CDKAL1: variants seen among roughly 807,000 people sequenced by gnomAD.
CDKAL1 encodes CDKAL1 threonylcarbamoyladenosine tRNA methylthiotransferase.
CDKAL1 carries 32 observed loss-of-function variants against 68.2 expected under a neutral mutation model. The ratio of observed to expected loss-of-function variants is 0.47; its 90% CI spans 0.35 to 0.63. The LOEUF (loss-of-function observed/expected upper bound fraction) is 0.63, where lower values mean the gene tolerates loss of function less well. CDKAL1 is among the 30% of genes least tolerant of loss of function. The probability of loss-of-function intolerance (pLI) is 0.00; values close to 1 mark genes in which losing one functional copy is unlikely to be tolerated. For synonymous variants in CDKAL1, 234 were observed against 244.3 expected (o/e 0.96, Z 0.39); for missense variants, 606 against 696.7 (o/e 0.87, Z 1.47).
At chr6:21,007,294 G>A (rs933934379) in intron 11 of CDKAL1, among the ~76,000 whole-genome samples, 7 of 151,794 alleles carry the variant, frequency 4.6e-5, no homozygotes, top group Non-Finnish European at 1.0e-4. Flanking sequence ...GCCAGGTGTG[G>A]TGGCACTCGC....
intron 4 of CDKAL1, among the ~76,000 whole-genome samples, chr6:20,585,020 A>C (rs1353595851): frequency 6.8e-6 from 1 of 147,282 alleles, no homozygotes; most frequent in Non-Finnish European, 1.5e-5. Flanking sequence ...ATCATCAAAC[A>C]TTCTGTGATA....
intron 8 of CDKAL1, among the ~76,000 whole-genome samples, chr6:20,788,374 C>G (rs1775760570): frequency 6.6e-6 from 1 of 152,198 alleles, no homozygotes; most frequent in African/African-American, 2.4e-5. Context: ...GCTATATTTG[C>G]ACACCGTAAG....
At chr6:20,574,018 G>A (rs1764814792) in intron 4 of CDKAL1, among the ~76,000 whole-genome samples, 2 of 152,226 alleles carry the variant, frequency 1.3e-5, no homozygotes, top group African/African-American at 4.8e-5. Context: ...GATATGGTTA[G>A]TATTATGGTG....
At chr6:21,200,472 C>G (rs1778643451) in intron 14 of CDKAL1, among the ~76,000 whole-genome samples, 1 of 152,186 alleles carries the variant, frequency 6.6e-6, no homozygotes, top group African/African-American at 2.4e-5. Context: ...CTCCTTCTCC[C>G]TCAAAACACA....
At chr6:21,116,871 A>G (rs2151002795) in intron 13 of CDKAL1, among the ~76,000 whole-genome samples, 1 of 152,334 alleles carries the variant, frequency 6.6e-6, no homozygotes, top group African/African-American at 2.4e-5. Context: ...CATTGGTTAT[A>G]TACTTCCTCT....
chr6:21,038,613 C>T (rs1769727798), intron 11 of CDKAL1, among the ~76,000 whole-genome samples: 1 of 152,146 alleles, frequency 6.6e-6, no homozygotes, highest in Admixed American at 6.6e-5. Context: ...AGCCCACAGC[C>T]CAGGACAGCT....
At chr6:20,972,790 C>T (rs2150756983) in intron 10 of CDKAL1, among the ~76,000 whole-genome samples, 1 of 152,248 alleles carries the variant, frequency 6.6e-6, no homozygotes, top group East Asian at 1.9e-4. Flanking sequence ...GCTGTCAGGG[C>T]CAGTCTTTGA....
chr6:20,973,480 G>A (rs1168915084), intron 10 of CDKAL1, among the ~76,000 whole-genome samples: 1 of 152,192 alleles, frequency 6.6e-6, no homozygotes, highest in Non-Finnish European at 1.5e-5. Flanking sequence ...TGGAGGGAAA[G>A]GTGGCTCTCA....
chr6:20,812,882 A>AT (rs964627287), intron 8 of CDKAL1, among the ~76,000 whole-genome samples: 3 of 152,100 alleles, frequency 2.0e-5, no homozygotes, highest in Non-Finnish European at 2.9e-5. Flanking sequence ...ATATGCTCCC[A>AT]TTTTTCTAGG....
intron 7 of CDKAL1, among the ~76,000 whole-genome samples, chr6:20,779,618 TG>T (rs1433780711): frequency 6.6e-6 from 1 of 152,250 alleles, no homozygotes; most frequent in Non-Finnish European, 1.5e-5. Flanking sequence ...GGAGTCTCGC[TG>T]TGTCACCCAG....
intron 4 of CDKAL1, among the ~76,000 whole-genome samples, chr6:20,616,087 T>G (rs1766883108): frequency 6.7e-6 from 1 of 148,584 alleles, no homozygotes; most frequent in South Asian, 2.2e-4. Flanking sequence ...GATCAGATAG[T>G]TGTAGATATG....
intron 11 of CDKAL1, among the ~76,000 whole-genome samples, chr6:21,044,922 CAGG>C (rs1384766592): frequency 2.0e-5 from 3 of 152,178 alleles, no homozygotes; most frequent in Non-Finnish European, 4.4e-5. Context: ...GGTTCAGTGT[CAGG>C]AGAAGGCTCA....
chr6:21,091,854 T>C (rs1377976209), intron 12 of CDKAL1, among the ~76,000 whole-genome samples: 6 of 124,446 alleles, frequency 4.8e-5, no homozygotes, highest in Admixed American at 4.4e-4. Flanking sequence ...GGCTCAGAAC[T>C]TTCTTTTTTT....
Position 21,231,725 on chromosome 6 carries a change from G to A in CDKAL1, c.*686G>A, listed in dbSNP as rs4712591. 0.49 allele frequency: 74,979 copies of A among 151,984 alleles called. 19,423 individuals are homozygous for A. The highest frequency in any genetic ancestry group is 0.59 in the Non-Finnish European group (39,825 of 68,022). 9.4% of individuals were successfully genotyped at this position (151,984 alleles called of 1,614,324 possible). On this transcript the variant is annotated 3_prime_UTR_variant, in exon 16 of 16. Transcript: ENST00000274695. ...ATTACAGGCGTGAGCCACTGCGCCC[G>A]GCCTCTTTAATAAATATTTTTAAGT...
chr6:21,081,943 T>C (rs1329277100), intron 12 of CDKAL1, among the ~76,000 whole-genome samples: 2 of 151,118 alleles, frequency 1.3e-5, no homozygotes, highest in Non-Finnish European at 2.9e-5. Flanking sequence ...TAACTCCATA[T>C]ATTTATAACG....
intron 15 of CDKAL1, among the ~76,000 whole-genome samples, chr6:21,201,890 A>G (rs948988943): frequency 5.3e-5 from 8 of 152,164 alleles, no homozygotes; most frequent in African/African-American, 1.2e-4. Flanking sequence ...GGAGTGTGAA[A>G]TGAAAATGTG....
chr6:20,888,309 C>T (rs1444662644), intron 9 of CDKAL1, among the ~76,000 whole-genome samples: 1 of 150,976 alleles, frequency 6.6e-6, no homozygotes, highest in Non-Finnish European at 1.5e-5. Context: ...ATGAACTCAT[C>T]CTTTTTTATG....
At chr6:20,751,494 A>G (rs1561745437) in intron 6 of CDKAL1, among the ~76,000 whole-genome samples, 1 of 152,230 alleles carries the variant, frequency 6.6e-6, no homozygotes, top group Non-Finnish European at 1.5e-5. Flanking sequence ...ACAGCATATA[A>G]ACATTTCCAT....
chr6:20,798,162 G>C (rs940635514), intron 8 of CDKAL1, among the ~76,000 whole-genome samples: 1 of 151,986 alleles, frequency 6.6e-6, no homozygotes, highest in African/African-American at 2.4e-5. Context: ...AAAAACTATG[G>C]TGATGGAGAA....
Sources: gnomAD v4.1 joint callset for allele counts (sites outside exome capture counted in the v4.1 genomes callset) on GRCh38, gnomAD v4.1.1 for gene constraint, MANE v1.5 for transcripts, NCBI Gene and HGNC (gene_info 2026-07-23, HGNC 2026-07-21) for gene names.